Variants in HRH2 observed in about 807,000 individuals in gnomAD.
HRH2 encodes histamine receptor H2.
Under a neutral mutation model 20.1 loss-of-function variants are expected in HRH2, and 4 were observed. That is an observed-to-expected ratio of 0.20 (90% CI 0.10 to 0.45). The LOEUF is 0.45. Ranked by LOEUF, HRH2 falls within the 20% of genes least tolerant of loss-of-function variation. HRH2 has a pLI of 0.99. For synonymous variants in HRH2, 197 were observed against 200.7 expected (o/e 0.98, Z 0.16); for missense variants, 250 against 461.6 (o/e 0.54, Z 4.20).
chr5:175,658,193 G>C (rs1762622554), intron 1 of HRH2, 38 bp downstream of exon 1: 1 of 151,692 alleles, frequency 6.6e-6, no homozygotes, highest in South Asian at 2.1e-4. Flanking sequence ...GCCTCGGCTC[G>C]GGGTGGGGTC....
At chr5:175,698,749 T>C (rs902102321) in intron 2 of HRH2, among the ~76,000 whole-genome samples, 6 of 152,184 alleles carry the variant, frequency 3.9e-5, no homozygotes, top group Non-Finnish European at 5.9e-5. Flanking sequence ...AGACCCACAC[T>C]TTCCCTTTGT....
At chr5:175,701,665 G>A (rs1032868469) in intron 2 of HRH2, among the ~76,000 whole-genome samples, 1 of 152,084 alleles carries the variant, frequency 6.6e-6, no homozygotes, top group African/African-American at 2.4e-5. Context: ...CAACTGTCAC[G>A]TGCCCAACCC....
intron 1 of HRH2, among the ~76,000 whole-genome samples, chr5:175,669,838 C>G (rs1339969379): frequency 6.6e-6 from 1 of 152,210 alleles, no homozygotes; most frequent in African/African-American, 2.4e-5. Context: ...ACATCAGGAT[C>G]CAAGCAAGGT....
At chr5:175,675,455 T>G (rs1037306087) in intron 1 of HRH2, among the ~76,000 whole-genome samples, 2 of 152,206 alleles carry the variant, frequency 1.3e-5, no homozygotes, top group African/African-American at 4.8e-5. Flanking sequence ...ACACAGGGCA[T>G]AGCAGGCATT....
chr5:175,701,302 C>T (rs1756781412), intron 2 of HRH2, among the ~76,000 whole-genome samples: 1 of 152,136 alleles, frequency 6.6e-6, no homozygotes, highest in Admixed American at 6.5e-5. Flanking sequence ...TATGATTAGT[C>T]TGAGCTCTCT....
rs140626256 is a variant in HRH2, at chr5:175,704,767, C to G, written c.1077-3012C>G. ...ACATAAAATCAACGTACATTGTCAACTTTTGAAAACTACCACTTATAAGAA... is the reference window on the plus strand; with the variant it reads ...ACATAAAATCAACGTACATTGTCAAGTTTTGAAAACTACCACTTATAAGAA... On this transcript the variant is annotated intron_variant, in intron 2 of 2. Coordinates refer to ENST00000636584, the MANE Select transcript of HRH2 (RefSeq NM_001367711.1). Among the ~76,000 whole-genome samples, 25 of 152,088 alleles carry G rather than the reference C, an allele frequency of 1.6e-4. No homozygotes were observed. In the East Asian group the frequency reaches 4.8e-3, roughly 29 times the overall value.
intron 1 of HRH2, among the ~76,000 whole-genome samples, chr5:175,665,601 GA>G (rs1255249401): frequency 9.2e-5 from 14 of 152,152 alleles, no homozygotes; most frequent in Non-Finnish European, 1.8e-4. Flanking sequence ...GCTGCCCTGA[GA>G]AAGCCCATTG....
Position 175,683,794 on chromosome 5 carries a change from G to C in HRH2, c.561G>C (p.Gly187=). The change falls in exon 2 of 3, where the codon GGG becomes GGC. Residue 187 remains glycine (G), a synonymous_variant. Transcript: ENST00000636584. ...ATGAAGTGTACGGGCTGGTGGATGGGCTGGTCACCTTCTACCTCCCGCTAC... is the reference window on the plus strand; with the variant it reads ...ATGAAGTGTACGGGCTGGTGGATGGCCTGGTCACCTTCTACCTCCCGCTAC... ...QVNEVYGLVD[G]LVTFYLPLLI... The C allele has an allele frequency of 6.2e-7, 1 of 1,614,144 alleles. No homozygotes were observed. Among genetic ancestry groups the C allele is most frequent in the Non-Finnish European group, 8.5e-7 (1 of 1,180,040 alleles).
chr5:175,685,581 A>G (rs1445295325), intron 2 of HRH2: 13 of 1,050,054 alleles, frequency 1.2e-5, no homozygotes, highest in Non-Finnish European at 1.7e-5. Flanking sequence ...ATGAAGTTAC[A>G]GAAAATCAAT....
rs774838699 is a variant in HRH2 at position 175,683,639 on chromosome 5, G to A, written c.406G>A (p.Ala136Thr). The A allele has an allele frequency of 9.3e-6, 15 of 1,613,996 alleles. No individual in the cohort carries two copies. The highest frequency in any genetic ancestry group is 6.7e-5 in the East Asian group (3 of 44,888). Residue 136 changes from alanine to threonine, a missense_variant, in exon 2 of 3, where the codon GCC becomes ACC. Transcript: ENST00000636584. ...YPVLVTPVRV[A>T]ISLVLIWVIS... ...TGTGCTGGTCACCCCAGTTCGGGTC[G>A]CCATCTCTCTGGTCTTAATTTGGGT...
intron 1 of HRH2, among the ~76,000 whole-genome samples, chr5:175,670,113 C>T (rs1285828430): frequency 6.6e-6 from 1 of 152,146 alleles, no homozygotes; most frequent in Admixed American, 6.5e-5. Flanking sequence ...GGCTCCAATC[C>T]AAAGGGGACA....
rs1029643305 is a variant in HRH2, at chr5:175,693,146, G to A, written c.1076+8837G>A. ...CTGTAAAAGAGAGCTAAGAATTCTG[G>A]CAGTTGTCCCTGTCCCTGAAGCAGC... is the stretch of plus-strand genomic sequence containing the variant. On this transcript the variant is annotated intron_variant, in intron 2 of 2. Transcript: ENST00000636584. This position sits in a 1 kb window ranked among gnomAD's most constrained non-coding sequence, Gnocchi z 4.4. 1.1e-4 allele frequency among the ~76,000 whole-genome samples: 16 copies of A among 152,328 alleles called. No homozygotes were observed. Among genetic ancestry groups the A allele is most frequent in the Non-Finnish European group, 2.1e-4 (14 of 68,034 alleles).
chr5:175,678,459 A>G (rs1327803027), intron 1 of HRH2, among the ~76,000 whole-genome samples: 1 of 152,214 alleles, frequency 6.6e-6, no homozygotes, highest in Non-Finnish European at 1.5e-5. Context: ...TGAGGCTCAG[A>G]GAGTTGGAAG....
At chr5:175,669,606 C>T (rs1312322567) in intron 1 of HRH2, among the ~76,000 whole-genome samples, 1 of 152,142 alleles carries the variant, frequency 6.6e-6, no homozygotes, top group African/African-American at 2.4e-5. Context: ...TCAAGCGATC[C>T]ACCCACCTCG....
At chr5:175,702,366 C>G (rs1465064085) in intron 2 of HRH2, among the ~76,000 whole-genome samples, 1 of 150,916 alleles carries the variant, frequency 6.6e-6, no homozygotes, top group Non-Finnish European at 1.5e-5. Flanking sequence ...AATAAATTGG[C>G]CAATTAAAAA....
rs997842939 is a variant in HRH2, at chr5:175,681,544, C to T, written c.-525-1165C>T. On this transcript the variant is annotated intron_variant, in intron 1 of 2. Coordinates refer to ENST00000636584, the MANE Select transcript of HRH2 (RefSeq NM_001367711.1). This position sits in a 1 kb window ranked among gnomAD's most constrained non-coding sequence, Gnocchi z 4.3. ...TGGAACAGGGCCTCAGCTTGTTTCT[C>T]GCCAGTTGGAATCATATACAGCCAC... Among the ~76,000 whole-genome samples, 8 of 152,144 alleles carry T rather than the reference C, an allele frequency of 5.3e-5. No individual in the cohort carries two copies. Among genetic ancestry groups the T allele is most frequent in the Non-Finnish European group, 7.3e-5 (5 of 68,032 alleles).
intron 2 of HRH2, among the ~76,000 whole-genome samples, chr5:175,689,077 T>C (rs536089850): frequency 6.6e-6 from 1 of 152,300 alleles, no homozygotes; most frequent in South Asian, 2.1e-4. Flanking sequence ...CTTCTGTCCC[T>C]CAATCAGCCC....
rs530221932 is a variant in HRH2 at position 175,666,743 on chromosome 5, T to C, written c.-526+8588T>C. ...CTGCGCCCGGCCTCCAGATTCCTTTTTTTGAAGTAGCACCTTTAACAAATA... is the reference window on the plus strand; with the variant it reads ...CTGCGCCCGGCCTCCAGATTCCTTTCTTTGAAGTAGCACCTTTAACAAATA... On this transcript the variant is annotated intron_variant, in intron 1 of 2. Coordinates refer to ENST00000636584, the MANE Select transcript of HRH2 (RefSeq NM_001367711.1). 4.5e-3 allele frequency among the ~76,000 whole-genome samples: 692 copies of C among 152,258 alleles called. 1 individual carries two copies. The highest frequency in any genetic ancestry group is 8.1e-3 in the Non-Finnish European group (551 of 68,016).
intron 2 of HRH2, among the ~76,000 whole-genome samples, chr5:175,696,809 C>T (rs936357787): frequency 2.0e-5 from 3 of 151,396 alleles, no homozygotes; most frequent in Non-Finnish European, 4.4e-5. Context: ...TTCTATAAGA[C>T]GGGGAGAATC....
Sources: gnomAD v4.1 joint callset for allele counts (sites outside exome capture counted in the v4.1 genomes callset) on GRCh38, gnomAD v4.1.1 for gene constraint, Gnocchi (gnomAD v3.1) non-coding constraint, MANE v1.5 for transcripts, NCBI Gene and HGNC (gene_info 2026-07-23, HGNC 2026-07-21) for gene names.